SHOC1: variants seen among roughly 807,000 people sequenced by gnomAD.
SHOC1 encodes the protein protein shortage in chiasmata 1 ortholog.
A neutral mutation model predicts 179.2 loss-of-function variants in SHOC1; 136 were observed. That is an observed-to-expected ratio of 0.76 (90% CI 0.66 to 0.87). SHOC1 has a LOEUF of 0.87. SHOC1 is among the 40% of genes least tolerant of loss of function. The probability of loss-of-function intolerance (pLI) is 0.00; values close to 1 mark genes in which losing one functional copy is unlikely to be tolerated. For synonymous variants in SHOC1, 489 were observed against 586.6 expected, an observed-to-expected ratio of 0.83 and a Z score of 2.41; for missense variants, 1,538 against 1,700.8, an observed-to-expected ratio of 0.90 and a Z score of 1.68.
chr9:111,751,306 G>A (rs60434641), intron 8 of SHOC1, among the ~76,000 whole-genome samples: 1 of 152,134 alleles, frequency 6.6e-6, no homozygotes, highest in Non-Finnish European at 1.5e-5. Context: ...TTTTTGCTTA[G>A]GATTATCTTG....
At chr9:111,706,799 G>A (rs919553230) in intron 19 of SHOC1, 53 bp from the exon 20 acceptor site, 2 of 1,227,010 alleles carry the variant, frequency 1.6e-6, no homozygotes, top group Non-Finnish European at 2.2e-6. Context: ...TTATTATTTT[G>A]TTGAACTATT....
intron 5 of SHOC1, chr9:111,759,342 C>A: frequency 1.3e-6 from 2 of 1,525,860 alleles, no homozygotes; most frequent in Non-Finnish European, 1.8e-6. Context: ...TTCTATTATT[C>A]TTAAGTTATT....
At chr9:111,784,005 G>T (rs1836175290) in intron 3 of SHOC1, among the ~76,000 whole-genome samples, 1 of 152,192 alleles carries the variant, frequency 6.6e-6, no homozygotes, top group Non-Finnish European at 1.5e-5. Context: ...CCTGTTTTGT[G>T]GGTGGGGGAA....
chr9:111,788,460 G>A (rs777366531), intron 2 of SHOC1, among the ~76,000 whole-genome samples: 8 of 152,134 alleles, frequency 5.3e-5, no homozygotes, highest in African/African-American at 7.2e-5. Flanking sequence ...TCTCATGACT[G>A]ACTTTATTGT....
At chr9:111,736,446 C>CAA (rs1394476749) in intron 12 of SHOC1, among the ~76,000 whole-genome samples, 2 of 151,980 alleles carry the variant, frequency 1.3e-5, no homozygotes, top group African/African-American at 2.4e-5. Context: ...ACAAAGCCAA[C>CAA]AAAAATAAGC....
At chr9:111,729,111 CT>C (rs1338347125) in intron 12 of SHOC1, among the ~76,000 whole-genome samples, 1 of 145,826 alleles carries the variant, frequency 6.9e-6, no homozygotes, top group Non-Finnish European at 1.5e-5. Context: ...GTGGGGGGTT[CT>C]TTTTTCTTTT....
chr9:111,694,207 A>G, intron 25 of SHOC1, 24 bp downstream of exon 25: 1 of 1,575,582 alleles, frequency 6.3e-7, no homozygotes, highest in Non-Finnish European at 8.6e-7. Context: ...GCAATTATCT[A>G]TTTTACACAT....
At chr9:111,792,058 A>G (rs559709580) in intron 1 of SHOC1, among the ~76,000 whole-genome samples, 2 of 152,332 alleles carry the variant, frequency 1.3e-5, no homozygotes, top group South Asian at 4.1e-4. Flanking sequence ...GAAAATAAGA[A>G]GCCTAAAGTT....
At chr9:111,769,268 T>C (rs111819471) in intron 5 of SHOC1, among the ~76,000 whole-genome samples, 28,662 of 152,086 alleles carry the variant, frequency 0.19, 2,900 homozygotes, top group Non-Finnish European at 0.22. Context: ...ATGCTGGCCT[T>C]GTAGAATGTG....
At chr9:111,753,295 T>C (rs1211160294) in intron 8 of SHOC1, among the ~76,000 whole-genome samples, 1 of 152,208 alleles carries the variant, frequency 6.6e-6, no homozygotes, top group Non-Finnish European at 1.5e-5. Context: ...AAGTTAATGA[T>C]GCTTAAGTCA....
At position 111,697,809 on chromosome 9, in the gene SHOC1, C is replaced by T. The variant is rs564952925; in HGVS notation, c.3183+2145G>A. 1.9e-4 allele frequency among the ~76,000 whole-genome samples: 29 copies of T among 152,320 alleles called. No individual in the cohort carries two copies. The East Asian group carries it at 2.1e-3, about 11-fold the overall frequency. On this transcript the variant is annotated intron_variant, in intron 24 of 27. Coordinates refer to ENST00000682961, the MANE Select transcript of SHOC1 (RefSeq NM_001378211.1). The stretch of plus-strand genomic sequence containing the variant: ...TTGAACTAGTTTACAGTCCCACCAA[C>T]GGTGTAAAAGTGTTCCTATTTCTCC...
chr9:111,726,576 T>C (rs185907378), intron 13 of SHOC1, among the ~76,000 whole-genome samples: 1 of 152,328 alleles, frequency 6.6e-6, no homozygotes, highest in East Asian at 1.9e-4. Context: ...GTAATATTAC[T>C]TTAAGCAGAT....
intron 21 of SHOC1, among the ~76,000 whole-genome samples, chr9:111,704,468 G>T (rs1293261745): frequency 6.6e-6 from 1 of 152,124 alleles, no homozygotes; most frequent in Non-Finnish European, 1.5e-5. Flanking sequence ...CTGTAGCCTT[G>T]AATTCCTGGG....
At chr9:111,759,457 A>C in intron 5 of SHOC1, 1 of 1,270,530 alleles carries the variant, frequency 7.9e-7, no homozygotes, top group Non-Finnish European at 9.9e-7. Context: ...GCTAACAGTT[A>C]ATTTCTGGAA....
intron 27 of SHOC1, among the ~76,000 whole-genome samples, chr9:111,687,257 G>A (rs1831218089): frequency 1.3e-5 from 2 of 152,006 alleles, no homozygotes; most frequent in Admixed American, 1.3e-4. Flanking sequence ...TGAAGTATAG[G>A]TATGTTTTCC....
At chr9:111,704,238 C>A (rs17342758) in intron 21 of SHOC1, among the ~76,000 whole-genome samples, 5,033 of 152,276 alleles carry the variant, frequency 0.033, 130 homozygotes, top group South Asian at 0.11. Context: ...AACACTATTA[C>A]AAATGTTTTG....
intron 8 of SHOC1, among the ~76,000 whole-genome samples, chr9:111,752,554 G>GA (rs1292605740): frequency 2.0e-5 from 3 of 152,070 alleles, no homozygotes; most frequent in African/African-American, 4.8e-5. Context: ...TTAGTAGAAT[G>GA]AAAAAACAGG....
At chr9:111,742,832 C>G (rs1384159733) in intron 10 of SHOC1, among the ~76,000 whole-genome samples, 1 of 152,138 alleles carries the variant, frequency 6.6e-6, no homozygotes, top group Admixed American at 6.5e-5. Flanking sequence ...TGAATCTTAC[C>G]AAGGTTTCTT....
intron 27 of SHOC1, among the ~76,000 whole-genome samples, chr9:111,690,730 G>A (rs1315682856): frequency 6.6e-6 from 1 of 152,146 alleles, no homozygotes; most frequent in Non-Finnish European, 1.5e-5. Context: ...CAAGTTGTAA[G>A]TATTAAATAA....
Sources: gnomAD v4.1 joint callset for allele counts (sites outside exome capture counted in the v4.1 genomes callset) on GRCh38, gnomAD v4.1.1 for gene constraint, MANE v1.5 for transcripts, NCBI Gene and HGNC (gene_info 2026-07-23, HGNC 2026-07-21) for gene names.